RUNX1: variants seen among roughly 807,000 people sequenced by gnomAD.
RUNX1 encodes RUNX family transcription factor 1.
In RUNX1, 19 loss-of-function variants were observed where a neutral mutation model predicts 42.8. That is an observed-to-expected ratio of 0.44 (90% confidence interval 0.31 to 0.65). The LOEUF is 0.65. RUNX1 is among the 30% of genes least tolerant of loss of function. The pLI, the probability that RUNX1 is intolerant of heterozygous loss-of-function variation, is 0.07. For missense variants in RUNX1, 528 were observed against 672.0 expected, an observed-to-expected ratio of 0.79 and a Z score of 2.37; for synonymous variants, 271 against 289.4, an observed-to-expected ratio of 0.94 and a Z score of 0.64.
chr21:34,948,135 A>G (rs2058579239), intron 2 of RUNX1, among the ~76,000 whole-genome samples: 1 of 150,704 alleles, frequency 6.6e-6, no homozygotes, highest in African/African-American at 2.5e-5. Flanking sequence ...GAAGGCTCAT[A>G]TTTCAGCTCT....
intron 2 of RUNX1, among the ~76,000 whole-genome samples, chr21:34,939,778 T>C (rs1238695104): frequency 1.3e-5 from 2 of 152,198 alleles, no homozygotes; most frequent in African/African-American, 4.8e-5. Context: ...CCAGCGTCTA[T>C]AAGAGTGGTT....
At chr21:34,946,356 G>C (rs2058563070) in intron 2 of RUNX1, among the ~76,000 whole-genome samples, 1 of 152,122 alleles carries the variant, frequency 6.6e-6, no homozygotes, top group Non-Finnish European at 1.5e-5. Context: ...ATGGGCTTGG[G>C]GGGAGGTTCA....
At chr21:34,808,324 G>A (rs746024718) in intron 7 of RUNX1, among the ~76,000 whole-genome samples, 1 of 152,170 alleles carries the variant, frequency 6.6e-6, no homozygotes, top group Non-Finnish European at 1.5e-5. Context: ...AGGTTTTGAG[G>A]GATCCCATCC....
intron 2 of RUNX1, among the ~76,000 whole-genome samples, chr21:34,982,300 A>C (rs1363680561): frequency 6.6e-6 from 1 of 152,182 alleles, no homozygotes; most frequent in Non-Finnish European, 1.5e-5. Flanking sequence ...TACCATTTAC[A>C]TCATTCATTA....
At chr21:34,892,369 GA>G (rs1411005175) in intron 3 of RUNX1, among the ~76,000 whole-genome samples, 1 of 152,154 alleles carries the variant, frequency 6.6e-6, no homozygotes, top group Non-Finnish European at 1.5e-5. Flanking sequence ...ATTACTATGA[GA>G]GGGGGGAGGA....
At chr21:35,007,742 A>AG (rs1362585832) in intron 2 of RUNX1, among the ~76,000 whole-genome samples, 1 of 151,530 alleles carries the variant, frequency 6.6e-6, no homozygotes, top group Non-Finnish European at 1.5e-5. Context: ...ACCCTCGTTC[A>AG]GGCCCTTTAT....
At chr21:34,853,308 C>T (rs2057450604) in intron 6 of RUNX1, among the ~76,000 whole-genome samples, 1 of 152,112 alleles carries the variant, frequency 6.6e-6, no homozygotes. Context: ...CACTGATTCC[C>T]TCCTGTCAGT....
intron 2 of RUNX1, among the ~76,000 whole-genome samples, chr21:34,944,246 G>T (rs759434101): frequency 2.0e-5 from 3 of 152,186 alleles, no homozygotes; most frequent in Non-Finnish European, 2.9e-5. Flanking sequence ...CTGGACTCAA[G>T]CAGTCCTCCA....
chr21:34,881,808 T>C (rs1601518373), intron 4 of RUNX1, among the ~76,000 whole-genome samples: 1 of 152,252 alleles, frequency 6.6e-6, no homozygotes, highest in Non-Finnish European at 1.5e-5. Context: ...ATCAATTTCT[T>C]GGCTATCATT....
intron 6 of RUNX1, among the ~76,000 whole-genome samples, chr21:34,841,739 C>T (rs1347597843): frequency 6.6e-6 from 1 of 152,190 alleles, no homozygotes; most frequent in Non-Finnish European, 1.5e-5. Flanking sequence ...TGATCCCTCC[C>T]ACCCTTCAAG....
intron 2 of RUNX1, among the ~76,000 whole-genome samples, chr21:34,929,376 C>A (rs1301373138): frequency 6.6e-6 from 1 of 152,160 alleles, no homozygotes; most frequent in African/African-American, 2.4e-5. Context: ...TATGAACTCA[C>A]AGAAATAGAT....
intron 2 of RUNX1, among the ~76,000 whole-genome samples, chr21:35,022,166 T>C (rs1171982351): frequency 6.6e-6 from 1 of 152,188 alleles, no homozygotes; most frequent in African/African-American, 2.4e-5. Flanking sequence ...AAGGAGCTGA[T>C]TGGCGGTTCC....
chr21:34,873,471 A>C (rs1424310467), intron 5 of RUNX1, among the ~76,000 whole-genome samples: 1 of 152,246 alleles, frequency 6.6e-6, no homozygotes, highest in Non-Finnish European at 1.5e-5. Context: ...TAAGTTGAGA[A>C]ATAAACAGGA....
At chr21:34,932,160 T>C (rs1000973220) in intron 2 of RUNX1, among the ~76,000 whole-genome samples, 4 of 152,140 alleles carry the variant, frequency 2.6e-5, no homozygotes, top group African/African-American at 9.7e-5. Context: ...AGGTAATTAA[T>C]TTATAGAGAG....
In RUNX1 at chr21:34,790,531, A is replaced by G. The variant is rs1406315621; in HGVS notation, c.*1604T>C. On this transcript the variant is annotated 3_prime_UTR_variant, in exon 9 of 9. Coordinates refer to ENST00000675419, the MANE Select transcript of RUNX1 (RefSeq NM_001754.5). ...CAAATCCTCCAATAAAAATAGTGCC[A>G]TAAAATTTACAGCGACATTGGATAC... 15 of 233,650 alleles carry G rather than the reference A, an allele frequency of 6.4e-5. No homozygotes were observed. In the East Asian group the frequency reaches 9.0e-4, roughly 14 times the overall value. 14.5% of individuals were successfully genotyped at this position (233,650 alleles called of 1,614,324 possible). A position where few individuals can be genotyped will look rare whatever the true frequency, so the allele number is the denominator to read the frequency against.
intron 6 of RUNX1, among the ~76,000 whole-genome samples, chr21:34,849,379 A>G (rs367789979): frequency 0.025 from 1,050 of 42,484 alleles, 125 homozygotes; most frequent in African/African-American, 0.075. Flanking sequence ...TATACTATAT[A>G]CATAGTATAT....
intron 7 of RUNX1, among the ~76,000 whole-genome samples, chr21:34,803,981 T>C (rs2056644301): frequency 6.6e-6 from 1 of 152,228 alleles, no homozygotes; most frequent in Admixed American, 6.5e-5. Flanking sequence ...TCACTCTTGT[T>C]TTTATAAGAA....
intron 2 of RUNX1, among the ~76,000 whole-genome samples, chr21:34,897,849 T>G (rs1392101096): frequency 6.6e-6 from 1 of 152,220 alleles, no homozygotes; most frequent in Admixed American, 6.5e-5. Context: ...TGTCATGCTC[T>G]GGTTATGTTA....
chr21:35,049,189 T>C lies in RUNX1; in HGVS notation c.-81A>G, dbSNP rs146072483. Reference sequence around the variant, plus strand: ...TCACCACGCTGCGAAACCCTGTGGTTTGCATTCAGTGTGATTCGTCCTGCC... The same window carrying C: ...TCACCACGCTGCGAAACCCTGTGGTCTGCATTCAGTGTGATTCGTCCTGCC... On this transcript the variant is annotated 5_prime_UTR_variant, in exon 1 of 9. Transcript: ENST00000675419. 81 of 445,894 alleles carry C rather than the reference T, an allele frequency of 1.8e-4. No individual in the cohort carries two copies. Among genetic ancestry groups the C allele is most frequent in the African/African-American group, 1.3e-3 (68 of 50,502 alleles). The allele number at this position is 445,894 out of a possible 1,614,324, so 27.6% of individuals were successfully genotyped here.
Sources: allele counts gnomAD v4.1 joint callset (sites outside exome capture counted in the v4.1 genomes callset), GRCh38; gene constraint gnomAD v4.1.1; transcripts MANE v1.5; gene names NCBI Gene and HGNC (gene_info 2026-07-23, HGNC 2026-07-21).